ANKRD12: variants seen among roughly 807,000 people sequenced by gnomAD.
The protein encoded by ANKRD12 is ankyrin repeat domain-containing protein 12.
A neutral mutation model predicts 183.4 loss-of-function variants in ANKRD12; 85 were observed. That is an observed-to-expected ratio of 0.46 (90% CI 0.39 to 0.56). The LOEUF is 0.56. Among genes scored for constraint, ANKRD12 ranks in the 20% least tolerant of loss-of-function variants. ANKRD12 has a pLI of 0.00. For missense variants in ANKRD12, 2,405 were observed against 2,357.1 expected (o/e 1.02, Z -0.42); for synonymous variants, 914 against 800.2 (o/e 1.14, Z -2.40).
chr18:9,236,228 T>A lies in ANKRD12; in HGVS notation c.943+14229T>A, dbSNP rs533979954. Among the ~76,000 whole-genome samples the A allele has an allele frequency of 3.3e-5, 5 of 152,280 alleles. No homozygotes were observed. In the South Asian group the frequency reaches 1.0e-3, roughly 32 times the overall value. On this transcript the variant is annotated intron_variant, in intron 8 of 12. Transcript: ENST00000262126. ...GAAATAACGAATGGAGCTAAAACTATAGAAAAAATTGTGAAGGTGGCAACT... is the reference window on the plus strand; with the variant it reads ...GAAATAACGAATGGAGCTAAAACTAAAGAAAAAATTGTGAAGGTGGCAACT...
At chr18:9,195,172 G>A (rs910101821) in intron 2 of ANKRD12, among the ~76,000 whole-genome samples, 7 of 152,100 alleles carry the variant, frequency 4.6e-5, no homozygotes, top group African/African-American at 1.7e-4. Flanking sequence ...AGACACTGGG[G>A]CTTACTTGAG....
At chr18:9,186,486 G>T (rs72937255) in intron 2 of ANKRD12, among the ~76,000 whole-genome samples, 1 of 152,134 alleles carries the variant, frequency 6.6e-6, no homozygotes, top group African/African-American at 2.4e-5. Context: ...GGCAACATGC[G>T]CTGTACTTAA....
intron 3 of ANKRD12, among the ~76,000 whole-genome samples, chr18:9,200,028 A>C (rs185932198): frequency 3.6e-4 from 55 of 152,328 alleles, no homozygotes; most frequent in African/African-American, 1.3e-3. Context: ...AGCATTGTCC[A>C]AGGAAAGCCT....
chr18:9,164,592 A>G (rs897810585), intron 1 of ANKRD12, among the ~76,000 whole-genome samples: 1 of 152,116 alleles, frequency 6.6e-6, no homozygotes, highest in Non-Finnish European at 1.5e-5. Context: ...AGATTCTAGT[A>G]CGTTGTCTCT....
At chr18:9,141,579 A>T (rs1400985833) in intron 1 of ANKRD12, among the ~76,000 whole-genome samples, 1 of 152,202 alleles carries the variant, frequency 6.6e-6, no homozygotes, top group Non-Finnish European at 1.5e-5. Flanking sequence ...GATGCTTCCA[A>T]CTTAAAGGAG....
chr18:9,191,920 A>G (rs1055444076), intron 2 of ANKRD12, among the ~76,000 whole-genome samples: 1 of 152,198 alleles, frequency 6.6e-6, no homozygotes, highest in Non-Finnish European at 1.5e-5. Flanking sequence ...TATTCAAGGT[A>G]GCCAATCCCA....
intron 2 of ANKRD12, among the ~76,000 whole-genome samples, chr18:9,192,925 C>G (rs2034545747): frequency 6.6e-6 from 1 of 151,972 alleles, no homozygotes; most frequent in Non-Finnish European, 1.5e-5. Context: ...CTCAAGTGAT[C>G]CATCCGCCTC....
At chr18:9,158,502 C>T (rs114132942) in intron 1 of ANKRD12, among the ~76,000 whole-genome samples, 12 of 152,222 alleles carry the variant, frequency 7.9e-5, no homozygotes, top group Admixed American at 6.5e-4. Flanking sequence ...TAGAATTTGT[C>T]TTAAGTTTTT....
intron 10 of ANKRD12, among the ~76,000 whole-genome samples, chr18:9,272,486 C>T (rs770617825): frequency 1.1e-4 from 17 of 151,652 alleles, no homozygotes; most frequent in Non-Finnish European, 1.9e-4. Flanking sequence ...CACTTGAACC[C>T]GGGAGGCGGA....
chr18:9,221,804 A>G (rs761649294), intron 7 of ANKRD12, 48 bp from the exon 8 acceptor site: 2 of 1,598,602 alleles, frequency 1.3e-6, no homozygotes, highest in Admixed American at 1.7e-5. Context: ...GGGTGCAGTG[A>G]TAACAATCTG....
rs577701381 is a variant in ANKRD12 at position 9,142,792 on chromosome 18, G to A, written c.-52+5827G>A. The stretch of plus-strand genomic sequence containing the variant: ...CCAGCTACTTGGGAGGCTGAGGCAG[G>A]AGAATTGCTTGAACCCAGGAGGTGG... On this transcript the variant is annotated intron_variant, in intron 1 of 12. Coordinates refer to ENST00000262126, the MANE Select transcript of ANKRD12 (RefSeq NM_015208.5). Among the ~76,000 whole-genome samples, 144 of 152,218 alleles carry A rather than the reference G, an allele frequency of 9.5e-4. 2 individuals are homozygous for A. The highest frequency in any genetic ancestry group is 3.3e-3 in the African/African-American group (137 of 41,502).
chr18:9,149,047 G>A (rs2078590246), intron 1 of ANKRD12, among the ~76,000 whole-genome samples: 1 of 152,060 alleles, frequency 6.6e-6, no homozygotes, highest in African/African-American at 2.4e-5. Flanking sequence ...ACCTGCCTCA[G>A]AGTCATCCTC....
chr18:9,277,390 C>T (rs1323133119), intron 11 of ANKRD12, among the ~76,000 whole-genome samples: 2 of 145,416 alleles, frequency 1.4e-5, no homozygotes, highest in South Asian at 2.2e-4. Context: ...TGCAGTGGCA[C>T]GATCTCGGCT....
At chr18:9,165,374 C>T (rs2031927049) in intron 1 of ANKRD12, among the ~76,000 whole-genome samples, 2 of 152,044 alleles carry the variant, frequency 1.3e-5, no homozygotes. Context: ...GAATTTGGCA[C>T]TTTAGCTGTG....
intron 8 of ANKRD12, among the ~76,000 whole-genome samples, chr18:9,222,712 A>G (rs1412509010): frequency 6.6e-6 from 1 of 152,182 alleles, no homozygotes; most frequent in Non-Finnish European, 1.5e-5. Flanking sequence ...TCACTCATTT[A>G]ATGTCAGCCA....
chr18:9,264,577 A>AAGAAATTT (rs2039168898), intron 10 of ANKRD12, among the ~76,000 whole-genome samples: 2 of 152,204 alleles, frequency 1.3e-5, no homozygotes, highest in East Asian at 3.8e-4. Context: ...GTAACAGTCT[A>AAGAAATTT]AGAAATTTAG....
intron 3 of ANKRD12, among the ~76,000 whole-genome samples, chr18:9,202,517 A>G (rs1209629065): frequency 1.3e-5 from 2 of 152,166 alleles, no homozygotes; most frequent in African/African-American, 2.4e-5. Flanking sequence ...AATTTCAAAC[A>G]TACAGTACAG....
At chr18:9,271,840 A>T (rs777750426) in intron 10 of ANKRD12, among the ~76,000 whole-genome samples, 1 of 152,202 alleles carries the variant, frequency 6.6e-6, no homozygotes, top group Admixed American at 6.5e-5. Context: ...GTTAGTGAAA[A>T]TAAAGACATA....
Position 9,168,900 on chromosome 18 carries a change from A to G in ANKRD12, c.-51-13482A>G, listed in dbSNP as rs185929370. On this transcript the variant is annotated intron_variant, in intron 1 of 12. Coordinates refer to ENST00000262126, the MANE Select transcript of ANKRD12 (RefSeq NM_015208.5). ...CTACACACTGCTTTGAATGTGTCCC[A>G]GAGATTCTGGTATGTTGTGTCTTTG... Among the ~76,000 whole-genome samples the G allele has an allele frequency of 1.4e-3, 208 of 152,064 alleles. 1 individual carries two copies. Among genetic ancestry groups the G allele is most frequent in the African/African-American group, 4.9e-3 (202 of 41,510 alleles).
Sources: allele counts gnomAD v4.1 joint callset (sites outside exome capture counted in the v4.1 genomes callset), GRCh38; gene constraint gnomAD v4.1.1; transcripts MANE v1.5; gene names NCBI Gene and HGNC (gene_info 2026-07-23, HGNC 2026-07-21).